The following STPG2 variants were observed in gnomAD, a reference collection of about 807,000 sequenced individuals.
STPG2 encodes sperm-tail PG-rich repeat-containing protein 2.
STPG2 carries 56 observed loss-of-function variants against 54.2 expected under a neutral mutation model. The ratio of observed to expected loss-of-function variants is 1.03; its 90% CI spans 0.83 to 1.29. The LOEUF (loss-of-function observed/expected upper bound fraction) is 1.29. STPG2 is among the 50% of genes most tolerant of loss of function. The probability of loss-of-function intolerance (pLI) is 0.00; values close to 1 mark genes in which losing one functional copy is unlikely to be tolerated. For synonymous variants in STPG2, 200 were observed against 181.8 expected, an observed-to-expected ratio of 1.10 and a Z score of -0.81; for missense variants, 596 against 544.9, an observed-to-expected ratio of 1.09 and a Z score of -0.93.
At chr4:97,906,301 C>G (rs1578676368) in intron 8 of STPG2, among the ~76,000 whole-genome samples, 1 of 152,120 alleles carries the variant, frequency 6.6e-6, no homozygotes, top group Non-Finnish European at 1.5e-5. Context: ...ATACACCCTC[C>G]CAAGACTAAA....
chr4:97,621,699 T>C (rs992592976), intron 10 of STPG2, among the ~76,000 whole-genome samples: 1 of 152,052 alleles, frequency 6.6e-6, no homozygotes, highest in Non-Finnish European at 1.5e-5. Flanking sequence ...TACTAATGTA[T>C]AAAGAAGAGC....
chr4:97,959,461 T>C (rs1053267381), intron 7 of STPG2, among the ~76,000 whole-genome samples: 5 of 151,788 alleles, frequency 3.3e-5, no homozygotes, highest in African/African-American at 9.7e-5. Context: ...ATTAGCAAGA[T>C]TAACCAAGAA....
intron 5 of STPG2, among the ~76,000 whole-genome samples, chr4:98,008,683 AC>A (rs1328801160): frequency 6.6e-6 from 1 of 152,016 alleles, no homozygotes; most frequent in Non-Finnish European, 1.5e-5. Flanking sequence ...AAAAGACTCC[AC>A]AAAACAACTA....
chr4:97,959,706 A>G (rs1422660169), intron 7 of STPG2, among the ~76,000 whole-genome samples: 1 of 151,924 alleles, frequency 6.6e-6, no homozygotes, highest in East Asian at 1.9e-4. Flanking sequence ...GGTAATAAAA[A>G]CTTACCAAGA....
At chr4:98,126,040 G>T (rs574212419) in intron 3 of STPG2, among the ~76,000 whole-genome samples, 1 of 152,224 alleles carries the variant, frequency 6.6e-6, no homozygotes, top group Admixed American at 6.5e-5. Context: ...AACTGTAGCT[G>T]CAGAGATGGC....
At chr4:97,977,574 G>T (rs912273307) in intron 6 of STPG2, among the ~76,000 whole-genome samples, 1 of 151,994 alleles carries the variant, frequency 6.6e-6, no homozygotes, top group African/African-American at 2.4e-5. Flanking sequence ...TTCAACATAG[G>T]GGCTCAGGGC....
At chr4:97,605,464 AATAG>A (rs926680926) in intron 10 of STPG2, among the ~76,000 whole-genome samples, 4 of 151,862 alleles carry the variant, frequency 2.6e-5, no homozygotes, top group South Asian at 2.1e-4. Context: ...CAAAAATATG[AATAG>A]ATAGATTTGG....
intron 5 of STPG2, among the ~76,000 whole-genome samples, chr4:98,018,502 G>C (rs1434597658): frequency 6.6e-6 from 1 of 152,198 alleles, no homozygotes; most frequent in Non-Finnish European, 1.5e-5. Flanking sequence ...CTTTATAGCA[G>C]CATGATTTAT....
chr4:98,043,244 A>G (rs1278873619), intron 5 of STPG2, among the ~76,000 whole-genome samples: 1 of 152,072 alleles, frequency 6.6e-6, no homozygotes, highest in African/African-American at 2.4e-5. Flanking sequence ...TGAGTTTCTT[A>G]TAACAGCACG....
intron 4 of STPG2, among the ~76,000 whole-genome samples, chr4:97,527,930 T>G (rs1159560829): frequency 6.6e-6 from 1 of 152,170 alleles, no homozygotes; most frequent in Admixed American, 6.5e-5. Flanking sequence ...TTTCAAAATT[T>G]TTCTCCCATT....
chr4:97,474,419 T>C (rs2148816940), intron 4 of STPG2, among the ~76,000 whole-genome samples: 1 of 152,284 alleles, frequency 6.6e-6, no homozygotes, highest in East Asian at 1.9e-4. Flanking sequence ...TGTGGGATGG[T>C]CATTTTATCA....
At chr4:98,011,356 A>G (rs1311921752) in intron 5 of STPG2, among the ~76,000 whole-genome samples, 3 of 152,120 alleles carry the variant, frequency 2.0e-5, no homozygotes, top group Non-Finnish European at 2.9e-5. Flanking sequence ...TATCCAGTCT[A>G]TAATTGATTG....
In STPG2 at chr4:97,816,702, T is replaced by TTTCC. The variant is rs538965512; in HGVS notation, c.1204+24067_1204+24070dup. On this transcript the variant is annotated intron_variant, in intron 9 of 10. Coordinates refer to ENST00000295268, the MANE Select transcript of STPG2 (RefSeq NM_174952.3). ...GAAAGGGAGAATCAATCTATCTTCCTTTCCTTCCTTCCTTCCTTCCTCCCT... is the reference window on the plus strand; with the variant it reads ...GAAAGGGAGAATCAATCTATCTTCCTTTCCTTCCTTCCTTCCTTCCTTCCTCCCT... 2.1e-3 allele frequency among the ~76,000 whole-genome samples: 324 copies of TTTCC among 151,548 alleles called. 1 individual carries two copies. The highest frequency in any genetic ancestry group is 7.0e-3 in the African/African-American group (288 of 41,328).
At chr4:97,867,127 C>G (rs896785484) in intron 8 of STPG2, among the ~76,000 whole-genome samples, 1 of 151,966 alleles carries the variant, frequency 6.6e-6, no homozygotes, top group Non-Finnish European at 1.5e-5. Context: ...AGTACTGACA[C>G]AAGCCTGTAA....
chr4:97,854,620 CA>C (rs1326925526), intron 8 of STPG2, among the ~76,000 whole-genome samples: 7 of 151,636 alleles, frequency 4.6e-5, no homozygotes, highest in Non-Finnish European at 1.0e-4. Flanking sequence ...AGAAACATAG[CA>C]AAATACAAAA....
intron 8 of STPG2, among the ~76,000 whole-genome samples, chr4:97,885,517 C>T (rs1322908803): frequency 6.6e-6 from 1 of 152,050 alleles, no homozygotes; most frequent in South Asian, 2.1e-4. Flanking sequence ...ACATTAAATC[C>T]AGGATACCTA....
At chr4:97,877,699 C>T (rs925761066) in intron 8 of STPG2, among the ~76,000 whole-genome samples, 1 of 152,160 alleles carries the variant, frequency 6.6e-6, no homozygotes, top group African/African-American at 2.4e-5. Context: ...ACGGGAGCTA[C>T]AATTCAAGAT....
In STPG2 at chr4:97,936,374, C is replaced by G. The variant is rs1732747244; in HGVS notation, c.1044+7523G>C. On this transcript the variant is annotated intron_variant, in intron 8 of 10. Transcript: ENST00000295268. ...TTAACTGGGGCATTTAGCCTATTTA[C>G]ATTTGAGGTTAACATTGTTATGTTA... Among the ~76,000 whole-genome samples the G allele has an allele frequency of 3.9e-5, 6 of 152,186 alleles. No individual in the cohort carries two copies. The South Asian group carries it at 1.2e-3, about 31-fold the overall frequency.
intron 8 of STPG2, among the ~76,000 whole-genome samples, chr4:97,851,338 G>C (rs1207574827): frequency 6.6e-6 from 1 of 152,168 alleles, no homozygotes; most frequent in Non-Finnish European, 1.5e-5. Flanking sequence ...GTGCATGAAT[G>C]AGTCTAACAG....
Sources: gnomAD v4.1 joint callset for allele counts (sites outside exome capture counted in the v4.1 genomes callset) on GRCh38, gnomAD v4.1.1 for gene constraint, MANE v1.5 for transcripts, NCBI Gene and HGNC (gene_info 2026-07-23, HGNC 2026-07-21) for gene names.